PREPL: variants seen among roughly 807,000 people sequenced by gnomAD.
PREPL encodes the protein prolyl endopeptidase-like.
PREPL carries 77 observed loss-of-function variants against 70.6 expected under a neutral mutation model. The ratio of observed to expected loss-of-function variants is 1.09; its 90% CI spans 0.91 to 1.32. PREPL has a LOEUF of 1.32. PREPL is among the 40% of genes most tolerant of loss of function. The probability of loss-of-function intolerance (pLI) is 0.00; values close to 1 mark genes in which losing one functional copy is unlikely to be tolerated. For missense variants in PREPL, 1,002 were observed against 778.2 expected (o/e 1.29, Z -3.42); for synonymous variants, 315 against 264.8 (o/e 1.19, Z -1.84).
At chr2:44,332,730 C>G (rs1674245759) in intron 7 of PREPL, 74 bp from the exon 8 acceptor site, 11 of 1,231,434 alleles carry the variant, frequency 8.9e-6, no homozygotes, top group Admixed American at 2.5e-5. Context: ...TCTAAGTCTT[C>G]TCCAAACAAG....
chr2:44,340,921 C>T lies in PREPL; in HGVS notation c.485+1496G>A, dbSNP rs370991868. ...CCAGTCTGGGTGACAGAGTGAGACT[C>T]TGTTTCAAAAAAAAAAAAAAAAAAT... On this transcript the variant is annotated intron_variant, in intron 5 of 13. Coordinates refer to ENST00000409411, the MANE Select transcript of PREPL (RefSeq NM_001171613.2). Among the ~76,000 whole-genome samples, 404 of 125,482 alleles carry T rather than the reference C, an allele frequency of 3.2e-3. 1 individual carries two copies. Among genetic ancestry groups the T allele is most frequent in the African/African-American group, 0.012 (377 of 31,264 alleles). 82.3% of individuals were successfully genotyped at this position (125,482 alleles called of 152,430 possible).
chr2:44,325,879 G>T (rs941957252), intron 10 of PREPL, among the ~76,000 whole-genome samples: 4 of 152,182 alleles, frequency 2.6e-5, no homozygotes, highest in African/African-American at 4.8e-5. Context: ...CTGCTACAAT[G>T]TAACTTCGTA....
At chr2:44,360,014 G>A (rs371003216) in intron 1 of PREPL, 7 of 304,948 alleles carry the variant, frequency 2.3e-5, no homozygotes, top group African/African-American at 1.5e-4. Flanking sequence ...ATGCAGCACT[G>A]ACTCTGGCAC....
At chr2:44,327,406 TACACGAGTCAGGAAC>T (rs1356779873) in intron 9 of PREPL, among the ~76,000 whole-genome samples, 1 of 152,164 alleles carries the variant, frequency 6.6e-6, no homozygotes, top group Non-Finnish European at 1.5e-5. Flanking sequence ...GAGGGGTATA[TACACGAGTCAGGAAC>T]ACAAATGCTT....
intron 9 of PREPL, 114 bp from the exon 10 acceptor site, chr2:44,327,042 G>C (rs1222306417): frequency 1.2e-6 from 1 of 869,492 alleles, no homozygotes; most frequent in African/African-American, 1.7e-5. Flanking sequence ...AGCTAAGACT[G>C]GTTTTTGCTT....
chr2:44,351,421 A>G (rs1572560159), intron 1 of PREPL, among the ~76,000 whole-genome samples: 1 of 151,948 alleles, frequency 6.6e-6, no homozygotes, highest in African/African-American at 2.4e-5. Context: ...TTGTATATCC[A>G]ACTGACTACC....
chr2:44,326,997 C>A (rs967478997), intron 9 of PREPL, 69 bp from the exon 10 acceptor site: 1 of 1,348,920 alleles, frequency 7.4e-7, no homozygotes, highest in African/African-American at 1.5e-5. Context: ...GGTCAGCGAA[C>A]TACACCTGGA....
chr2:44,358,555 C>G (rs1677299005), intron 1 of PREPL, among the ~76,000 whole-genome samples: 1 of 152,130 alleles, frequency 6.6e-6, no homozygotes, highest in Non-Finnish European at 1.5e-5. Flanking sequence ...ATCCTACTTA[C>G]TGTAGGATGA....
At chr2:44,351,416 T>C (rs1676421872) in intron 1 of PREPL, among the ~76,000 whole-genome samples, 2 of 152,118 alleles carry the variant, frequency 1.3e-5, no homozygotes, top group African/African-American at 4.8e-5. Flanking sequence ...TGAACTTGTA[T>C]ATCCAACTGA....
In PREPL at chr2:44,321,368, G is replaced by A. The variant is rs759556547; in HGVS notation, c.1905C>T (p.Tyr635=). The change falls in exon 14 of 14, where the codon TAC becomes TAT. Residue 635 remains tyrosine (Y), a synonymous_variant. Coordinates refer to ENST00000409411, the MANE Select transcript of PREPL (RefSeq NM_001171613.2). The part of the protein sequence containing the change: ...STSVFEDLKK[Y]LKF The stretch of plus-strand genomic sequence containing the variant: ...TGAATGCAGTGTTTCAGAATTTCAG[G>A]TATTTCTTAAGATCCTCGAAAACAC... 3 of 1,605,974 alleles carry A rather than the reference G, an allele frequency of 1.9e-6. No homozygotes were observed. In the South Asian group the frequency reaches 3.3e-5, roughly 18 times the overall value.
At chr2:44,355,751 T>TTATATATATATATATATATATATATA (rs112927329) in intron 1 of PREPL, among the ~76,000 whole-genome samples, 2 of 141,374 alleles carry the variant, frequency 1.4e-5, no homozygotes, top group African/African-American at 5.3e-5. Flanking sequence ...AAACTACATA[T>TTATATATATATATATATATATATATA]TATATATATA....
Position 44,320,855 on chromosome 2 carries a change from C to T in PREPL, c.*501G>A, listed in dbSNP as rs1672881829. The T allele has an allele frequency of 1.6e-5, 9 of 567,736 alleles. No individual in the cohort carries two copies. In the South Asian group the frequency reaches 1.8e-4, roughly 12 times the overall value. The allele number at this position is 567,736 out of a possible 1,614,324, so 35.2% of individuals were successfully genotyped here. A position where few individuals can be genotyped will look rare whatever the true frequency, so the allele number is the denominator to read the frequency against. ...GCTTATAGGAGCTTATAACTTTATTCAGATAGCATCAATCAGGGATGACCA... is the reference window on the plus strand; with the variant it reads ...GCTTATAGGAGCTTATAACTTTATTTAGATAGCATCAATCAGGGATGACCA... On this transcript the variant is annotated 3_prime_UTR_variant, in exon 14 of 14. Coordinates refer to ENST00000409411, the MANE Select transcript of PREPL (RefSeq NM_001171613.2).
At chr2:44,354,087 T>C (rs896664687) in intron 1 of PREPL, among the ~76,000 whole-genome samples, 3 of 151,722 alleles carry the variant, frequency 2.0e-5, no homozygotes, top group Non-Finnish European at 2.9e-5. Flanking sequence ...GCCCAGGAGG[T>C]TGAGGCTGCA....
At position 44,343,865 on chromosome 2, in the gene PREPL, C is replaced by T; in HGVS notation, c.229G>A (p.Asp77Asn). ...ATCTTGGCAGCCACATATTTTTCAT[C>T]TGGAGCAACTCTGATACAATCAATG... ...PFIDCIRVAP[D>N]EKYVAAKIRT... is the part of the protein sequence containing the mutation. The change falls in exon 4 of 14, where the codon GAT (aspartate) becomes AAT (asparagine). Residue 77 changes from aspartate to asparagine, a missense_variant. Transcript: ENST00000409411. 1 of 1,614,024 alleles carries T rather than the reference C, an allele frequency of 6.2e-7. No homozygotes were observed.
At chr2:44,352,676 T>C (rs1470357947) in intron 1 of PREPL, among the ~76,000 whole-genome samples, 1 of 152,158 alleles carries the variant, frequency 6.6e-6, no homozygotes, top group Non-Finnish European at 1.5e-5. Context: ...CCTAGAATGG[T>C]GCATAGCAGG....
At chr2:44,349,793 G>A (rs369259261) in intron 1 of PREPL, among the ~76,000 whole-genome samples, 2,514 of 152,138 alleles carry the variant, frequency 0.017, 33 homozygotes, top group South Asian at 0.034. Flanking sequence ...CATAATTACA[G>A]ATACAACAGA....
At chr2:44,327,003 C>T in intron 9 of PREPL, 75 bp from the exon 10 acceptor site, 1 of 1,249,086 alleles carries the variant, frequency 8.0e-7, no homozygotes. Flanking sequence ...CGAACTACAC[C>T]TGGAGGCCTG....
intron 1 of PREPL, among the ~76,000 whole-genome samples, chr2:44,356,885 G>C (rs935425070): frequency 2.1e-4 from 30 of 140,926 alleles, no homozygotes; most frequent in Non-Finnish European, 3.8e-4. Flanking sequence ...CCTCACTGCA[G>C]CCTCGACCTC....
In PREPL at chr2:44,320,537, G is replaced by A. The variant is rs780821343; in HGVS notation, c.*819C>T. The A allele has an allele frequency of 7.4e-6, 12 of 1,613,932 alleles. No individual in the cohort carries two copies. Among genetic ancestry groups the A allele is most frequent in the East Asian group, 6.7e-5 (3 of 44,890 alleles). On this transcript the variant is annotated 3_prime_UTR_variant, in exon 14 of 14. Transcript: ENST00000409411. ...AGGGACTCATCTTTGAACACAACAC[G>A]AAGAATCTCCTTCATCGCCAAACAG...
Sources: gnomAD v4.1 joint callset for allele counts (sites outside exome capture counted in the v4.1 genomes callset) on GRCh38, gnomAD v4.1.1 for gene constraint, MANE v1.5 for transcripts, NCBI Gene and HGNC (gene_info 2026-07-23, HGNC 2026-07-21) for gene names.